CERKL: variants seen among roughly 807,000 people sequenced by gnomAD.
CERKL encodes ceramide kinase-like protein.
Under a neutral mutation model 63.4 loss-of-function variants are expected in CERKL, and 61 were observed. The observed-to-expected ratio is 0.96, with a 90% CI of 0.78 to 1.19. The LOEUF is 1.19. CERKL is among the 50% of genes most tolerant of loss of function. The pLI is 0.00. For synonymous variants in CERKL, 250 were observed against 230.5 expected (o/e 1.08, Z -0.77); for missense variants, 675 against 655.5 (o/e 1.03, Z -0.33).
At chr2:181,636,341 G>A (rs1005165598) in intron 1 of CERKL, among the ~76,000 whole-genome samples, 5 of 151,816 alleles carry the variant, frequency 3.3e-5, no homozygotes, top group Admixed American at 6.6e-5. Flanking sequence ...AATATCCCTT[G>A]CATCCAGGCT....
chr2:181,563,321 T>C (rs1688524255), intron 4 of CERKL, among the ~76,000 whole-genome samples: 1 of 152,116 alleles, frequency 6.6e-6, no homozygotes, highest in African/African-American at 2.4e-5. Context: ...CATAGAAACA[T>C]ATGTAATTCA....
chr2:181,574,768 C>G (rs939017664), intron 2 of CERKL, among the ~76,000 whole-genome samples: 36 of 152,194 alleles, frequency 2.4e-4, no homozygotes, highest in African/African-American at 8.4e-4. Context: ...TAATAAAAAC[C>G]ATTACTAAAA....
intron 2 of CERKL, chr2:181,603,599 A>G: frequency 2.0e-6 from 1 of 500,740 alleles, no homozygotes; most frequent in Non-Finnish European, 3.6e-6. Flanking sequence ...GATGTTAAAC[A>G]TATGAAAATC....
intron 2 of CERKL, among the ~76,000 whole-genome samples, chr2:181,586,299 G>A (rs1470501622): frequency 6.6e-6 from 1 of 152,018 alleles, no homozygotes; most frequent in African/African-American, 2.4e-5. Context: ...AAGTCATTAG[G>A]TACAAATAAC....
In CERKL at chr2:181,573,904, AC is replaced by A; in HGVS notation, c.482-21del. The A allele has an allele frequency of 6.2e-7, 1 of 1,610,814 alleles. No individual in the cohort carries two copies. The highest frequency in any genetic ancestry group is 8.5e-7 in the Non-Finnish European group (1 of 1,177,986). Reference sequence around the variant, plus strand: ...GAAAGCCTAAGAAGAAATTTTAAAGACAAAGTTGTAAAGTCCTTGTCATCAT... The same window carrying A: ...GAAAGCCTAAGAAGAAATTTTAAAGAAAAGTTGTAAAGTCCTTGTCATCAT... On this transcript the variant is annotated intron_variant, in intron 2 of 12. Coordinates refer to ENST00000410087, the MANE Select transcript of CERKL (RefSeq NM_201548.5).
At chr2:181,624,922 T>C (rs1256630184) in intron 1 of CERKL, among the ~76,000 whole-genome samples, 1 of 152,170 alleles carries the variant, frequency 6.6e-6, no homozygotes, top group Non-Finnish European at 1.5e-5. Flanking sequence ...AATATTTAAG[T>C]AGAAGATTTA....
At chr2:181,613,176 G>C (rs1193002984) in intron 1 of CERKL, among the ~76,000 whole-genome samples, 2 of 151,982 alleles carry the variant, frequency 1.3e-5, no homozygotes, top group Non-Finnish European at 2.9e-5. Context: ...CCCTCCCCCA[G>C]CTCTTGACAA....
At chr2:181,572,774 A>T (rs1374225678) in intron 3 of CERKL, among the ~76,000 whole-genome samples, 1 of 105,160 alleles carries the variant, frequency 9.5e-6, no homozygotes, top group East Asian at 2.7e-4. Context: ...CTTCCTACAA[A>T]ACTTGCTTTT....
chr2:181,575,151 G>A (rs894262580), intron 2 of CERKL, among the ~76,000 whole-genome samples: 2 of 152,118 alleles, frequency 1.3e-5, no homozygotes, highest in African/African-American at 2.4e-5. Flanking sequence ...TCTGACTTGG[G>A]GACCATGCCC....
intron 1 of CERKL, among the ~76,000 whole-genome samples, chr2:181,610,938 T>C (rs930217816): frequency 1.3e-5 from 2 of 152,112 alleles, no homozygotes; most frequent in Admixed American, 1.3e-4. Context: ...ATAATACTTA[T>C]CCAGGCCAGA....
chr2:181,544,106 A>G (rs1312239777), intron 11 of CERKL, among the ~76,000 whole-genome samples: 1 of 152,182 alleles, frequency 6.6e-6, no homozygotes, highest in Non-Finnish European at 1.5e-5. Flanking sequence ...TCATTTTCCT[A>G]ATAATCAGGT....
At chr2:181,567,752 A>G (rs943517485) in intron 3 of CERKL, among the ~76,000 whole-genome samples, 2 of 152,172 alleles carry the variant, frequency 1.3e-5, no homozygotes, top group African/African-American at 4.8e-5. Context: ...AATATGAAGT[A>G]ATAGGTGGTT....
intron 5 of CERKL, among the ~76,000 whole-genome samples, chr2:181,557,570 G>T (rs1051011162): frequency 6.6e-6 from 1 of 151,958 alleles, no homozygotes; most frequent in African/African-American, 2.4e-5. Flanking sequence ...TTGCTCTAAC[G>T]GTTCTCCGTG....
intron 2 of CERKL, among the ~76,000 whole-genome samples, chr2:181,576,271 G>A (rs1041206455): frequency 6.6e-6 from 1 of 152,120 alleles, no homozygotes; most frequent in Non-Finnish European, 1.5e-5. Context: ...AATCACCAAT[G>A]GGTGCCAAAG....
intron 1 of CERKL, among the ~76,000 whole-genome samples, chr2:181,644,984 T>C (rs945335400): frequency 2.6e-5 from 4 of 152,112 alleles, no homozygotes; most frequent in Non-Finnish European, 5.9e-5. Context: ...AGCATGGAAA[T>C]CTTATGCCAT....
chr2:181,636,822 T>C (rs1158584273), intron 1 of CERKL, among the ~76,000 whole-genome samples: 2 of 152,194 alleles, frequency 1.3e-5, no homozygotes, highest in Admixed American at 6.5e-5. Flanking sequence ...CAACAGAGAA[T>C]GATTTTCTCC....
intron 5 of CERKL, among the ~76,000 whole-genome samples, chr2:181,557,773 T>C (rs1357128641): frequency 1.3e-5 from 2 of 152,174 alleles, no homozygotes; most frequent in Non-Finnish European, 2.9e-5. Context: ...TGGGCCTATT[T>C]TGATACCATT....
At chr2:181,582,680 G>GATTACTGGT (rs1684574609) in intron 2 of CERKL, among the ~76,000 whole-genome samples, 1 of 151,650 alleles carries the variant, frequency 6.6e-6, no homozygotes, top group Non-Finnish European at 1.5e-5. Flanking sequence ...GGATTACTGG[G>GATTACTGGT]ATTACAGGTG....
intron 12 of CERKL, 90 bp from the exon 13 acceptor site, chr2:181,538,334 C>G (rs1419383729): frequency 2.7e-6 from 2 of 736,368 alleles, no homozygotes; most frequent in Non-Finnish European, 4.8e-6. Context: ...ATGCCAAATA[C>G]AAATTGATAA....
Sources: allele counts gnomAD v4.1 joint callset (sites outside exome capture counted in the v4.1 genomes callset), GRCh38; gene constraint gnomAD v4.1.1; transcripts MANE v1.5; gene names NCBI Gene and HGNC (gene_info 2026-07-23, HGNC 2026-07-21).